The following PIK3C2B variants were observed in gnomAD, a reference collection of about 807,000 sequenced individuals.
PIK3C2B encodes phosphatidylinositol-4-phosphate 3-kinase catalytic subunit type 2 beta, also known as phosphatidylinositol 4-phosphate 3-kinase C2 domain-containing subunit beta.
PIK3C2B carries 83 observed loss-of-function variants against 184.3 expected under a neutral mutation model. That is an observed-to-expected ratio of 0.45 (90% CI 0.38 to 0.54). The LOEUF (loss-of-function observed/expected upper bound fraction) is 0.54. PIK3C2B is among the 20% of genes least tolerant of loss of function. The probability of loss-of-function intolerance (pLI) is 0.00; values close to 1 mark genes in which losing one functional copy is unlikely to be tolerated. For synonymous variants in PIK3C2B, 779 were observed against 837.6 expected, an observed-to-expected ratio of 0.93 and a Z score of 1.21; for missense variants, 1,736 against 2,113.5, an observed-to-expected ratio of 0.82 and a Z score of 3.50.
At chr1:204,464,353 T>C (rs1655575042) in intron 4 of PIK3C2B, 97 bp downstream of exon 4, 3 of 1,300,994 alleles carry the variant, frequency 2.3e-6, no homozygotes, top group East Asian at 2.4e-5. Flanking sequence ...CTGCCCTTCA[T>C]CTGGGCCACA....
In PIK3C2B at chr1:204,446,086, C is replaced by G. The variant is rs748201794; in HGVS notation, c.2548G>C (p.Val850Leu). 1 of 1,596,376 alleles carries G rather than the reference C, an allele frequency of 6.3e-7. No homozygotes were observed. The highest frequency in any genetic ancestry group is 1.3e-5 in the African/African-American group (1 of 74,532). The change falls in exon 16 of 33, where the codon GTG becomes CTG. Residue 850 changes from valine (V) to leucine (L), a missense_variant. Val to Leu is a conservative substitution (Grantham distance 32). This residue lies in a region of PIK3C2B where 609 missense variants were observed against 699.2 expected (regional missense o/e 0.87). Coordinates refer to ENST00000684373, the MANE Select transcript of PIK3C2B (RefSeq NM_001377334.1). ...WEKRYYCHSE[V>L]SSLPLVLASA... ...GCGAGCACCAGGGGGAGCGAGCTCA[C>G]CTCCGAGTGGCAGTAATATCGCTTC... is the stretch of plus-strand genomic sequence containing the variant.
intron 16 of PIK3C2B, among the ~76,000 whole-genome samples, chr1:204,445,072 G>A (rs1653733076): frequency 6.6e-6 from 1 of 152,140 alleles, no homozygotes; most frequent in Non-Finnish European, 1.5e-5. Flanking sequence ...TCAAGAGAAA[G>A]AGGGAATGGG....
chr1:204,461,093 C>T lies in PIK3C2B; in HGVS notation c.1311-432G>A, dbSNP rs78085167. The stretch of plus-strand genomic sequence containing the variant: ...CTGTGCTCAGGCTCCAGGGTGGGAG[C>T]TCAGCGAGAGACCCCTCTTCCAATG... On this transcript the variant is annotated intron_variant, in intron 5 of 32. Coordinates refer to ENST00000684373, the MANE Select transcript of PIK3C2B (RefSeq NM_001377334.1). 9.2e-5 allele frequency among the ~76,000 whole-genome samples: 14 copies of T among 152,240 alleles called. No individual in the cohort carries two copies. The East Asian group carries it at 1.5e-3, about 17-fold the overall frequency.
At chr1:204,436,999 C>G (rs75867086) in intron 23 of PIK3C2B, among the ~76,000 whole-genome samples, 4,289 of 152,216 alleles carry the variant, frequency 0.028, 216 homozygotes, top group African/African-American at 0.098. Flanking sequence ...GCCTACAGTA[C>G]TGCAGAAATG....
In PIK3C2B at chr1:204,432,400, A is replaced by C; in HGVS notation, c.3955T>G (p.Leu1319Val). 6.2e-7 allele frequency: 1 copy of C among 1,613,602 alleles called. No homozygotes were observed. The highest frequency in any genetic ancestry group is 8.5e-7 in the Non-Finnish European group (1 of 1,179,580). The change falls in exon 27 of 33, where the codon TTG (leucine) becomes GTG (valine). Residue 1319 changes from leucine to valine, a missense_variant and splice_region_variant. Leu to Val is a conservative substitution (Grantham distance 32). Around this residue, in one of 8 missense-constraint regions of PIK3C2B, gnomAD observed 119 missense variants for 179.3 expected, o/e 0.66. Coordinates refer to ENST00000684373, the MANE Select transcript of PIK3C2B (RefSeq NM_001377334.1). ...ACACTGCCCAGGCTGGACTCAATCAACCTGGCAGGAGGATAAGAAAAGAGG... is the reference window on the plus strand; with the variant it reads ...ACACTGCCCAGGCTGGACTCAATCACCCTGGCAGGAGGATAAGAAAAGAGG... ...EANATTYFTRLIESSLGSVAT... is the reference protein window; with the variant it reads ...EANATTYFTRVIESSLGSVAT...
intron 12 of PIK3C2B, among the ~76,000 whole-genome samples, chr1:204,453,314 G>C (rs139198022): frequency 7.2e-4 from 110 of 152,304 alleles, no homozygotes; most frequent in African/African-American, 2.6e-3. Flanking sequence ...ATTCAAGCAA[G>C]GCACCCTCTC....
chr1:204,449,947 G>A lies in PIK3C2B; in HGVS notation c.2137C>T (p.Pro713Ser). ...TLLCATLYAL[P>S]IPPPGSSSEA... is the part of the protein sequence containing the mutation. ...GAGGAGCTCCCCGGTGGGGGGATGG[G>A]CAGAGCATAGAGAGTGGCACACAGC... The change falls in exon 13 of 33, where the codon CCC (proline) becomes TCC (serine). Residue 713 changes from proline to serine, a missense_variant. Pro to Ser is a moderately conservative substitution (Grantham distance 74). Around this residue, in one of 8 missense-constraint regions of PIK3C2B, gnomAD observed 609 missense variants for 699.2 expected, o/e 0.87. Coordinates refer to ENST00000684373, the MANE Select transcript of PIK3C2B (RefSeq NM_001377334.1). 6.2e-7 allele frequency: 1 copy of A among 1,610,926 alleles called. No individual in the cohort carries two copies. Among genetic ancestry groups the A allele is most frequent in the Middle Eastern group, 1.7e-4 (1 of 6,058 alleles).
chr1:204,486,452 TG>T (rs1657601127), intron 1 of PIK3C2B, among the ~76,000 whole-genome samples: 4 of 148,854 alleles, frequency 2.7e-5, no homozygotes, highest in Non-Finnish European at 5.9e-5. Context: ...TAAAGATGGC[TG>T]GGCACGGTGG....
chr1:204,425,670 G>A lies in PIK3C2B; in HGVS notation c.4659C>T (p.Thr1553=). ...KIYLLPDPQK[T]TKRKTKVARK... ...GGGCCACTTTGGTTTTCCTCTTAGT[G>A]GTTTTCTGAGGGTCAGGAAGGAGGT... The change falls in exon 32 of 33, where the codon ACC becomes ACT. Residue 1553 remains threonine, a synonymous_variant. Coordinates refer to ENST00000684373, the MANE Select transcript of PIK3C2B (RefSeq NM_001377334.1). 6.2e-7 allele frequency: 1 copy of A among 1,614,042 alleles called. No homozygotes were observed. Among genetic ancestry groups the A allele is most frequent in the Non-Finnish European group, 8.5e-7 (1 of 1,179,960 alleles).
At chr1:204,444,568 C>G in intron 16 of PIK3C2B, 144 bp from the exon 17 acceptor site, 1 of 628,640 alleles carries the variant, frequency 1.6e-6, no homozygotes, top group Non-Finnish European at 2.8e-6. Context: ...CTAGAAGAAT[C>G]CTTAGCAACT....
chr1:204,425,668 G>C lies in PIK3C2B; in HGVS notation c.4661C>G (p.Thr1554Ser). Residue 1554 changes from threonine to serine, a missense_variant, in exon 32 of 33, where the codon ACT becomes AGT. Coordinates refer to ENST00000684373, the MANE Select transcript of PIK3C2B (RefSeq NM_001377334.1). ...IYLLPDPQKT[T>S]KRKTKVARKT... The stretch of plus-strand genomic sequence containing the variant: ...CCGGGCCACTTTGGTTTTCCTCTTA[G>C]TGGTTTTCTGAGGGTCAGGAAGGAG... 1.9e-6 allele frequency: 3 copies of C among 1,614,106 alleles called. No homozygotes were observed. Among genetic ancestry groups the C allele is most frequent in the South Asian group, 2.2e-5 (2 of 91,082 alleles).
chr1:204,442,414 C>A, intron 20 of PIK3C2B, 112 bp downstream of exon 20: 1 of 684,396 alleles, frequency 1.5e-6, no homozygotes, highest in South Asian at 1.7e-5. Context: ...AAGTTAGCAA[C>A]ATACTGACGC....
intron 13 of PIK3C2B, among the ~76,000 whole-genome samples, chr1:204,449,559 G>C (rs1385346378): frequency 2.0e-5 from 3 of 152,190 alleles, no homozygotes; most frequent in Non-Finnish European, 2.9e-5. Context: ...GGCTGGGCTA[G>C]ATGACCTCTA....
rs1658233277 is a variant in PIK3C2B at position 204,494,455 on chromosome 1, G to A, written c.-184C>T. The A allele has an allele frequency of 6.6e-6, 1 of 152,426 alleles. No individual in the cohort carries two copies. The highest frequency in any genetic ancestry group is 2.4e-5 in the African/African-American group (1 of 41,454). The allele number at this position is 152,426 out of a possible 1,614,324, so 9.4% of individuals were successfully genotyped here. Reference sequence around the variant, plus strand: ...CTCCCGGGCTCGCTCTGCGGCTCCAGGCGCCTCTTGCACCAGCGCGAGAGG... The same window carrying A: ...CTCCCGGGCTCGCTCTGCGGCTCCAAGCGCCTCTTGCACCAGCGCGAGAGG... On this transcript the variant is annotated 5_prime_UTR_variant, in exon 1 of 33. Transcript: ENST00000684373.
chr1:204,488,324 G>T (rs1202520003), intron 1 of PIK3C2B, among the ~76,000 whole-genome samples: 1 of 152,174 alleles, frequency 6.6e-6, no homozygotes, highest in Non-Finnish European at 1.5e-5. Context: ...CCCACCTTTT[G>T]TCTCTACCCT....
At chr1:204,435,466 G>A (rs1311721774) in intron 23 of PIK3C2B, 1 of 152,070 alleles carries the variant, frequency 6.6e-6, no homozygotes, top group Non-Finnish European at 1.5e-5. Context: ...AGCCAGGTAG[G>A]AATGCATGAA....
chr1:204,434,700 T>C (rs937154339), intron 23 of PIK3C2B, 92 bp from the exon 24 acceptor site: 1 of 993,530 alleles, frequency 1.0e-6, no homozygotes, highest in Non-Finnish European at 1.5e-6. Context: ...CAGCCAGCCC[T>C]GGCCTCTCTC....
chr1:204,429,898 G>C, intron 29 of PIK3C2B, 23 bp downstream of exon 29: 2 of 1,471,726 alleles, frequency 1.4e-6, no homozygotes, highest in Non-Finnish European at 1.9e-6. Context: ...TGGACAGCCA[G>C]GAGGAGAGGC....
In PIK3C2B at chr1:204,469,207, G is replaced by A. The variant is rs1222015664; in HGVS notation, c.596C>T (p.Pro199Leu). 1.2e-6 allele frequency: 2 copies of A among 1,608,964 alleles called. No homozygotes were observed. The highest frequency in any genetic ancestry group is 3.4e-5 in the Admixed American group (2 of 59,556). Residue 199 changes from proline (P) to leucine (L), a missense_variant, in exon 2 of 33, where the codon CCG (proline) becomes CTG (leucine). Coordinates refer to ENST00000684373, the MANE Select transcript of PIK3C2B (RefSeq NM_001377334.1). ...GATCCGATGCTCTAGCAGTTTGCCC[G>A]GCAATTGTTCGACCAAAGAGAAAGT... Reference protein sequence around the residue: ...INTFSLVEQLPGKLLEHRILE... With the variant: ...INTFSLVEQLLGKLLEHRILE...
Sources: allele counts gnomAD v4.1 joint callset (sites outside exome capture counted in the v4.1 genomes callset), GRCh38; gene constraint gnomAD v4.1.1; regional missense constraint gnomAD v4.1.1; transcripts MANE v1.5; gene names NCBI Gene and HGNC (gene_info 2026-07-23, HGNC 2026-07-21).